RPAP2: variants seen among roughly 807,000 people sequenced by gnomAD.
The protein encoded by RPAP2 is putative RNA polymerase II subunit B1 CTD phosphatase RPAP2.
RPAP2 carries 52 observed loss-of-function variants against 73.1 expected under a neutral mutation model. The observed-to-expected ratio is 0.71, with a 90% CI of 0.57 to 0.90. The LOEUF (loss-of-function observed/expected upper bound fraction) is 0.90, where lower values mean the gene tolerates loss of function less well. RPAP2 is among the 40% of genes least tolerant of loss of function. RPAP2 has a pLI of 0.00. For missense variants in RPAP2, 598 were observed against 701.8 expected, an observed-to-expected ratio of 0.85 and a Z score of 1.67; for synonymous variants, 225 against 242.1, an observed-to-expected ratio of 0.93 and a Z score of 0.65.
rs1655976699 is a variant in RPAP2, at chr1:92,389,551, G to A, written c.*2540G>A. On this transcript the variant is annotated 3_prime_UTR_variant, in exon 13 of 13. Coordinates refer to ENST00000610020, the MANE Select transcript of RPAP2 (RefSeq NM_024813.3). Reference sequence around the variant, plus strand: ...ACTGGACAGAGAATGAGTTTGACAAGTTGACAGAAGTAGGCTTCAGAAGGT... The same window carrying A: ...ACTGGACAGAGAATGAGTTTGACAAATTGACAGAAGTAGGCTTCAGAAGGT... 6.6e-6 allele frequency: 1 copy of A among 152,224 alleles called. No homozygotes were observed. Among genetic ancestry groups the A allele is most frequent in the Non-Finnish European group, 1.5e-5 (1 of 68,040 alleles). The allele number at this position is 152,224 out of a possible 1,614,324, so 9.4% of individuals were successfully genotyped here.
In RPAP2 at chr1:92,396,063, A is replaced by C. The variant is rs890378919; in HGVS notation, c.*9052A>C. 2 of 152,204 alleles carry C rather than the reference A, an allele frequency of 1.3e-5. No homozygotes were observed. The highest frequency in any genetic ancestry group is 6.5e-5 in the Admixed American group (1 of 15,282). The allele number at this position is 152,204 out of a possible 1,614,324, so 9.4% of individuals were successfully genotyped here. A position where few individuals can be genotyped will look rare whatever the true frequency, so the allele number is the denominator to read the frequency against. On this transcript the variant is annotated 3_prime_UTR_variant, in exon 13 of 13. Coordinates refer to ENST00000610020, the MANE Select transcript of RPAP2 (RefSeq NM_024813.3). ...GCAGTTTCTTAAAAAGATAAACATA[A>C]GTTTACCATATGATCCTGCTATTCC...
At chr1:92,379,811 T>C (rs1391685263) in intron 11 of RPAP2, among the ~76,000 whole-genome samples, 1 of 151,474 alleles carries the variant, frequency 6.6e-6, no homozygotes, top group Non-Finnish European at 1.5e-5. Context: ...GGCACACACC[T>C]GTAGTCCCAG....
Position 92,395,461 on chromosome 1 carries a change from T to A in RPAP2, c.*8450T>A, listed in dbSNP as rs769703078. ...GACCAGACTGGACAACAGAGCAAAA[T>A]GCCATCTCCACAAAAAATACAAAAA... On this transcript the variant is annotated 3_prime_UTR_variant, in exon 13 of 13. Transcript: ENST00000610020. 4.6e-5 allele frequency: 7 copies of A among 151,300 alleles called. No individual in the cohort carries two copies. Among genetic ancestry groups the A allele is most frequent in the Non-Finnish European group, 7.4e-5 (5 of 67,832 alleles). 9.4% of individuals were successfully genotyped at this position (151,300 alleles called of 1,614,324 possible).
At chr1:92,319,093 G>C (rs182302873) in intron 6 of RPAP2, among the ~76,000 whole-genome samples, 103 of 152,272 alleles carry the variant, frequency 6.8e-4, no homozygotes, top group Non-Finnish European at 8.1e-4. Context: ...CCAGAGTGGA[G>C]ATTCAAGGGA....
Position 92,382,341 on chromosome 1 carries a change from C to T in RPAP2, c.1838+1468C>T, listed in dbSNP as rs1655678870. Among the ~76,000 whole-genome samples, 3 of 152,174 alleles carry T rather than the reference C, an allele frequency of 2.0e-5. No homozygotes were observed. The South Asian group carries it at 6.2e-4, about 32-fold the overall frequency. On this transcript the variant is annotated intron_variant, in intron 12 of 12. Coordinates refer to ENST00000610020, the MANE Select transcript of RPAP2 (RefSeq NM_024813.3). ...CTAGATCTAGATCCCTGAGGAATCG[C>T]CACACTGACTTCCACAATGGTTGAA...
At chr1:92,376,942 A>G (rs1655405869) in intron 11 of RPAP2, among the ~76,000 whole-genome samples, 1 of 152,166 alleles carries the variant, frequency 6.6e-6, no homozygotes, top group Non-Finnish European at 1.5e-5. Context: ...GGAGGTGACA[A>G]CTACATCCTT....
At chr1:92,347,216 A>G (rs563822979) in intron 11 of RPAP2, among the ~76,000 whole-genome samples, 2 of 152,342 alleles carry the variant, frequency 1.3e-5, no homozygotes, top group East Asian at 1.9e-4. Flanking sequence ...TGTCATTTCT[A>G]CTATTCAGTG....
At chr1:92,334,248 T>C (rs1031592969) in intron 9 of RPAP2, among the ~76,000 whole-genome samples, 4 of 152,216 alleles carry the variant, frequency 2.6e-5, no homozygotes, top group African/African-American at 9.6e-5. Context: ...AAACTAATTA[T>C]GGTATAGGAG....
chr1:92,350,003 G>GA (rs1418940823), intron 11 of RPAP2, among the ~76,000 whole-genome samples: 2 of 152,042 alleles, frequency 1.3e-5, no homozygotes, highest in Non-Finnish European at 2.9e-5. Flanking sequence ...GTGTATCTCA[G>GA]AAAAAAATCT....
chr1:92,324,924 A>G (rs1017078768), intron 8 of RPAP2, among the ~76,000 whole-genome samples: 3 of 152,192 alleles, frequency 2.0e-5, no homozygotes, highest in African/African-American at 7.2e-5. Context: ...CTGTTGTGTC[A>G]TTTACTAGCT....
intron 10 of RPAP2, among the ~76,000 whole-genome samples, chr1:92,345,370 C>T (rs1191515944): frequency 2.3e-4 from 29 of 128,660 alleles, no homozygotes; most frequent in Admixed American, 1.9e-3. Context: ...TAGCAAGACC[C>T]CGTTTCTTTA....
In RPAP2 at chr1:92,300,191, T is replaced by C; in HGVS notation, c.74-3T>C. 6.2e-7 allele frequency: 1 copy of C among 1,602,912 alleles called. No individual in the cohort carries two copies. Among genetic ancestry groups the C allele is most frequent in the Middle Eastern group, 1.7e-4 (1 of 5,894 alleles). ...GTAGCACATGACTGTATTTTTATTG[T>C]AGGTACTAAACAGACAAGTACTTTG... On this transcript the variant is annotated splice_polypyrimidine_tract_variant and splice_region_variant and intron_variant, in intron 1 of 12. Transcript: ENST00000610020.
chr1:92,346,286 C>G (rs1194265985), intron 11 of RPAP2, among the ~76,000 whole-genome samples: 1 of 151,974 alleles, frequency 6.6e-6, no homozygotes, highest in Admixed American at 6.5e-5. Flanking sequence ...ACCTCAGCCT[C>G]TCTAGTGGCT....
At chr1:92,371,746 G>A (rs576977662) in intron 11 of RPAP2, among the ~76,000 whole-genome samples, 3 of 151,518 alleles carry the variant, frequency 2.0e-5, no homozygotes, top group South Asian at 2.1e-4. Context: ...AAAAACCTGG[G>A]CCAGGTGCAG....
rs566079637 is a variant in RPAP2 at position 92,394,302 on chromosome 1, A to G, written c.*7291A>G. ...GAGAACACATGGACACAGGGAGGGT[A>G]ACATCACACACCAGGGCCTGTGGGG... On this transcript the variant is annotated 3_prime_UTR_variant, in exon 13 of 13. Transcript: ENST00000610020. 6.6e-6 allele frequency: 1 copy of G among 152,116 alleles called. No homozygotes were observed. The highest frequency in any genetic ancestry group is 1.5e-5 in the Non-Finnish European group (1 of 68,034). The allele number at this position is 152,116 out of a possible 1,614,324, so 9.4% of individuals were successfully genotyped here.
intron 12 of RPAP2, among the ~76,000 whole-genome samples, chr1:92,385,034 A>G (rs1459387375): frequency 2.0e-5 from 3 of 151,132 alleles, no homozygotes; most frequent in Non-Finnish European, 4.4e-5. Context: ...ATGGTTGCCT[A>G]CAGGTGGCAC....
chr1:92,331,163 T>C (rs1460956952), intron 8 of RPAP2, among the ~76,000 whole-genome samples: 1 of 152,224 alleles, frequency 6.6e-6, no homozygotes, highest in African/African-American at 2.4e-5. Context: ...TTGTTATGTC[T>C]TCCTGGTGAA....
At position 92,390,360 on chromosome 1, in the gene RPAP2, C is replaced by T. The variant is rs1392873890; in HGVS notation, c.*3349C>T. 1 of 152,158 alleles carries T rather than the reference C, an allele frequency of 6.6e-6. No homozygotes were observed. The highest frequency in any genetic ancestry group is 1.5e-5 in the Non-Finnish European group (1 of 68,026). 9.4% of individuals were successfully genotyped at this position (152,158 alleles called of 1,614,324 possible). A position where few individuals can be genotyped will look rare whatever the true frequency, so the allele number is the denominator to read the frequency against. ...AAGCAAATGCTGAGAGATTTTGTCA[C>T]CACCAGGCCTGCCTTACAAGAGCTC... On this transcript the variant is annotated 3_prime_UTR_variant, in exon 13 of 13. Coordinates refer to ENST00000610020, the MANE Select transcript of RPAP2 (RefSeq NM_024813.3).
In RPAP2 at chr1:92,401,275, A is replaced by G. The variant is rs1557643176; in HGVS notation, c.*14264A>G. The G allele has an allele frequency of 6.6e-6, 1 of 152,204 alleles. No homozygotes were observed. The highest frequency in any genetic ancestry group is 1.5e-5 in the Non-Finnish European group (1 of 68,028). 9.4% of individuals were successfully genotyped at this position (152,204 alleles called of 1,614,324 possible). ...GATCAATTCAATAAAAGCAGCAAAC[A>G]CACATACTTTGCTTTCCTTGTGATT... is the stretch of plus-strand genomic sequence containing the variant. On this transcript the variant is annotated 3_prime_UTR_variant, in exon 13 of 13. Coordinates refer to ENST00000610020, the MANE Select transcript of RPAP2 (RefSeq NM_024813.3).
Sources: allele counts gnomAD v4.1 joint callset (sites outside exome capture counted in the v4.1 genomes callset), GRCh38; gene constraint gnomAD v4.1.1; transcripts MANE v1.5; gene names NCBI Gene and HGNC (gene_info 2026-07-23, HGNC 2026-07-21).